GALNTL6: variants seen among roughly 807,000 people sequenced by gnomAD.
GALNTL6 encodes polypeptide N-acetylgalactosaminyltransferase-like 6.
GALNTL6 carries 46 observed loss-of-function variants against 73.7 expected under a neutral mutation model. That is an observed-to-expected ratio of 0.62 (90% confidence interval 0.49 to 0.80). GALNTL6 has a LOEUF of 0.80. Ranked by LOEUF, GALNTL6 falls within the 30% of genes least tolerant of loss-of-function variation. The probability of loss-of-function intolerance (pLI) is 0.00; values close to 1 mark genes in which losing one functional copy is unlikely to be tolerated. For missense variants in GALNTL6, 604 were observed against 755.0 expected (o/e 0.80, Z 2.34); for synonymous variants, 259 against 263.7 (o/e 0.98, Z 0.17).
chr4:171,824,950 C>T (rs923466118), intron 2 of GALNTL6, among the ~76,000 whole-genome samples: 1 of 152,132 alleles, frequency 6.6e-6, no homozygotes, highest in Non-Finnish European at 1.5e-5. Context: ...AATTAGATTT[C>T]AACAGAGAAT....
chr4:171,950,787 AT>A (rs1279188996), intron 2 of GALNTL6, among the ~76,000 whole-genome samples: 3 of 152,120 alleles, frequency 2.0e-5, no homozygotes, highest in Non-Finnish European at 4.4e-5. Context: ...CAGTAAAATC[AT>A]TTTAAGGAGA....
intron 2 of GALNTL6, among the ~76,000 whole-genome samples, chr4:172,086,208 T>C (rs1732027953): frequency 6.6e-6 from 1 of 152,150 alleles, no homozygotes; most frequent in South Asian, 2.1e-4. Context: ...TTAGCTGTAA[T>C]TAAACTGTAG....
chr4:171,974,958 G>A (rs796147336), intron 2 of GALNTL6, among the ~76,000 whole-genome samples: 4 of 152,254 alleles, frequency 2.6e-5, no homozygotes, highest in East Asian at 1.9e-4. Context: ...TTGGCTGTAT[G>A]TATTTTTTGT....
chr4:172,121,865 T>A (rs962229944), intron 2 of GALNTL6, among the ~76,000 whole-genome samples: 4 of 151,722 alleles, frequency 2.6e-5, no homozygotes, highest in Non-Finnish European at 4.4e-5. Context: ...AGTGATATGA[T>A]AATCTCAGTT....
At chr4:172,181,628 C>A (rs1286984177) in intron 2 of GALNTL6, among the ~76,000 whole-genome samples, 3 of 108,082 alleles carry the variant, frequency 2.8e-5, no homozygotes, top group Non-Finnish European at 5.3e-5. Context: ...AAAGGGCATT[C>A]AAATAGGAAA....
chr4:172,421,801 T>C (rs1020167412), intron 5 of GALNTL6, among the ~76,000 whole-genome samples: 1 of 152,102 alleles, frequency 6.6e-6, no homozygotes, highest in African/African-American at 2.4e-5. Flanking sequence ...GAGAGAGCTA[T>C]ATTGTCTCCC....
intron 2 of GALNTL6, among the ~76,000 whole-genome samples, chr4:171,883,721 C>T (rs1736526190): frequency 6.6e-6 from 1 of 151,632 alleles, no homozygotes; most frequent in South Asian, 2.1e-4. Flanking sequence ...TATCTCAGCT[C>T]ACTGCAAGCT....
chr4:172,970,892 T>G (rs547725978), intron 10 of GALNTL6, among the ~76,000 whole-genome samples: 23 of 152,310 alleles, frequency 1.5e-4, no homozygotes, highest in Non-Finnish European at 2.8e-4. Context: ...AAGTATTAAT[T>G]TGGGGAACTG....
At chr4:172,249,016 C>G (rs1293619208) in intron 3 of GALNTL6, among the ~76,000 whole-genome samples, 3 of 152,006 alleles carry the variant, frequency 2.0e-5, no homozygotes, top group Admixed American at 6.6e-5. Context: ...TGTAAAGATA[C>G]CTGAAAATGT....
At chr4:172,779,465 A>G (rs868576164) in intron 5 of GALNTL6, among the ~76,000 whole-genome samples, 9 of 152,206 alleles carry the variant, frequency 5.9e-5, no homozygotes, top group African/African-American at 1.7e-4. Context: ...CATCATGTTT[A>G]GAGCTTCTAG....
At chr4:172,863,184 G>A (rs1291456123) in intron 7 of GALNTL6, among the ~76,000 whole-genome samples, 4 of 152,206 alleles carry the variant, frequency 2.6e-5, no homozygotes, top group African/African-American at 9.6e-5. Context: ...CCTCTGCTAG[G>A]GCAGTGAAAA....
chr4:172,274,604 A>G (rs1738766007), intron 3 of GALNTL6, among the ~76,000 whole-genome samples: 1 of 152,170 alleles, frequency 6.6e-6, no homozygotes, highest in Non-Finnish European at 1.5e-5. Context: ...ATGGAGAATA[A>G]AATGATTGAA....
At chr4:172,992,616 C>G (rs1374225691) in intron 10 of GALNTL6, among the ~76,000 whole-genome samples, 1 of 152,118 alleles carries the variant, frequency 6.6e-6, no homozygotes. Flanking sequence ...AGAAGCAGAT[C>G]TGGTAGAATC....
chr4:171,844,892 G>A lies in GALNTL6; in HGVS notation c.138+30174G>A, dbSNP rs114466328. Reference sequence around the variant, plus strand: ...GTTTCCAGCTGATTGAGATCTCTGCGGTCTATTGCTTTCTTGCTCCATTTC... The same window carrying A: ...GTTTCCAGCTGATTGAGATCTCTGCAGTCTATTGCTTTCTTGCTCCATTTC... On this transcript the variant is annotated intron_variant, in intron 2 of 12. Coordinates refer to ENST00000506823, the MANE Select transcript of GALNTL6 (RefSeq NM_001034845.3). Among the ~76,000 whole-genome samples, 936 of 152,170 alleles carry A rather than the reference G, an allele frequency of 6.2e-3. 12 individuals are homozygous for A. Among genetic ancestry groups the A allele is most frequent in the African/African-American group, 0.021 (866 of 41,524 alleles).
chr4:172,047,189 C>T (rs1421149463), intron 2 of GALNTL6, among the ~76,000 whole-genome samples: 1 of 152,134 alleles, frequency 6.6e-6, no homozygotes, highest in Non-Finnish European at 1.5e-5. Flanking sequence ...ACGCTCCCCG[C>T]AGCTCTGTAT....
chr4:172,695,272 TA>T (rs1579350994), intron 5 of GALNTL6, among the ~76,000 whole-genome samples: 1 of 152,290 alleles, frequency 6.6e-6, no homozygotes, highest in Non-Finnish European at 1.5e-5. Context: ...CAGGAAAGAT[TA>T]AAAAACAATG....
intron 5 of GALNTL6, among the ~76,000 whole-genome samples, chr4:172,785,310 A>G (rs973141025): frequency 5.3e-5 from 8 of 152,218 alleles, no homozygotes; most frequent in Admixed American, 4.6e-4. Flanking sequence ...TACTTTCAGA[A>G]TAGTTTAAAT....
At chr4:172,999,932 CT>C (rs1441052677) in intron 10 of GALNTL6, among the ~76,000 whole-genome samples, 1 of 151,986 alleles carries the variant, frequency 6.6e-6, no homozygotes, top group East Asian at 1.9e-4. Context: ...AGTTTTTGTT[CT>C]CAAAAACATT....
chr4:171,836,576 A>G (rs480652), intron 2 of GALNTL6, among the ~76,000 whole-genome samples: 104,971 of 152,008 alleles, frequency 0.69, 37,984 homozygotes, highest in East Asian at 0.83. Context: ...GTTCTCCAAC[A>G]TCATCGTAAA....
Sources: allele counts gnomAD v4.1 joint callset (sites outside exome capture counted in the v4.1 genomes callset), GRCh38; gene constraint gnomAD v4.1.1; transcripts MANE v1.5; gene names NCBI Gene and HGNC (gene_info 2026-07-23, HGNC 2026-07-21).